SHPRH: variants seen among roughly 807,000 people sequenced by gnomAD.
SHPRH encodes the protein SNF2 histone linker PHD RING helicase.
A neutral mutation model predicts 202.5 loss-of-function variants in SHPRH; 106 were observed. That is an observed-to-expected ratio of 0.52 (90% CI 0.45 to 0.62). SHPRH has a LOEUF of 0.62. Ranked by LOEUF, SHPRH falls within the 20% of genes least tolerant of loss-of-function variation. The pLI, the probability that SHPRH is intolerant of heterozygous loss-of-function variation, is 0.00. For synonymous variants in SHPRH, 729 were observed against 686.0 expected (o/e 1.06, Z -0.98); for missense variants, 1,710 against 2,020.0 (o/e 0.85, Z 2.94).
chr6:145,957,735 AT>A (rs1788653411), intron 1 of SHPRH, among the ~76,000 whole-genome samples: 1 of 152,184 alleles, frequency 6.6e-6, no homozygotes, highest in African/African-American at 2.4e-5. Flanking sequence ...ACTCTCCAAC[AT>A]TTGAACACAG....
chr6:145,910,344 T>G, intron 25 of SHPRH, 104 bp downstream of exon 25: 1 of 1,310,494 alleles, frequency 7.6e-7, no homozygotes, highest in Non-Finnish European at 1.1e-6. Flanking sequence ...CGTCTACCTA[T>G]TCACTGTCAA....
chr6:145,945,401 A>T lies in SHPRH; in HGVS notation c.1558T>A (p.Cys520Ser), dbSNP rs751855030. Residue 520 changes from cysteine to serine, a missense_variant, in exon 8 of 30, where the codon TGT (cysteine) becomes AGT (serine). Cys to Ser is a moderately radical substitution (Grantham distance 112). Coordinates refer to ENST00000275233, the MANE Select transcript of SHPRH (RefSeq NM_001042683.3). ...LGKNYKEEDI[C>S]DKTKKQAVGS... ...GTTACCTGCTTTTTTGTTTTATCAC[A>T]TATATCCTCTTCCTTGTAATTCTTT... is the stretch of plus-strand genomic sequence containing the variant. 4 of 1,611,996 alleles carry T rather than the reference A, an allele frequency of 2.5e-6. No homozygotes were observed. The Admixed American group carries it at 6.7e-5, about 27-fold the overall frequency.
chr6:145,931,725 A>G (rs1278134091), intron 14 of SHPRH, among the ~76,000 whole-genome samples: 3 of 152,174 alleles, frequency 2.0e-5, no homozygotes, highest in African/African-American at 7.2e-5. Flanking sequence ...TAGGGTGCAC[A>G]TTCTTTGCCT....
rs748792809 is a variant in SHPRH, at chr6:145,943,725, T to C, written c.1656A>G (p.Pro552=). The C allele has an allele frequency of 1.2e-6, 2 of 1,611,824 alleles. No individual in the cohort carries two copies. Among genetic ancestry groups the C allele is most frequent in the Non-Finnish European group, 1.7e-6 (2 of 1,178,616 alleles). ...CATCATCATCATCAGAGGTGTCTGATGGCAAGTATTCAGAATCTGTGTCCT... is the reference window on the plus strand; with the variant it reads ...CATCATCATCATCAGAGGTGTCTGACGGCAAGTATTCAGAATCTGTGTCCT... The part of the protein sequence containing the change: ...GNKDTDSEYL[P]SDTSDDDDDP... Residue 552 remains proline, a synonymous_variant, in exon 9 of 30, where the codon CCA becomes CCG. Transcript: ENST00000275233.
Position 145,947,551 on chromosome 6 carries a change from G to A in SHPRH, c.1154C>T (p.Ala385Val). Residue 385 changes from alanine to valine, a missense_variant, in exon 6 of 30, where the codon GCT becomes GTT. Coordinates refer to ENST00000275233, the MANE Select transcript of SHPRH (RefSeq NM_001042683.3). ...MGLGKTVEVL[A>V]LILTHTRQDV... ...TTGTCGAGTATGTGTCAGAATCAGA[G>A]CCAAAACCTCCACTGTCTTTCCAAG... 1 of 1,612,926 alleles carries A rather than the reference G, an allele frequency of 6.2e-7. No homozygotes were observed. The highest frequency in any genetic ancestry group is 8.5e-7 in the Non-Finnish European group (1 of 1,179,312).
intron 23 of SHPRH, 164 bp downstream of exon 23, chr6:145,917,967 C>G (rs149170599): frequency 5.4e-4 from 246 of 455,858 alleles, no homozygotes; most frequent in African/African-American, 4.3e-3. Flanking sequence ...ATACAATATT[C>G]TTTTGTGATC....
intron 14 of SHPRH, among the ~76,000 whole-genome samples, chr6:145,930,608 T>C (rs1562335327): frequency 6.6e-6 from 1 of 152,208 alleles, no homozygotes; most frequent in South Asian, 2.1e-4. Context: ...ATGAATCCTT[T>C]GAAATTTACT....
chr6:145,889,188 C>T (rs939922800), intron 28 of SHPRH, among the ~76,000 whole-genome samples: 17 of 152,078 alleles, frequency 1.1e-4, no homozygotes, highest in African/African-American at 3.4e-4. Flanking sequence ...CCTGTAAAAG[C>T]TACCTAAAGC....
chr6:145,886,876 T>C lies in SHPRH; in HGVS notation c.4956-89A>G, dbSNP rs184084728. 53 of 1,357,362 alleles carry C rather than the reference T, an allele frequency of 3.9e-5. No individual in the cohort carries two copies. In the African/African-American group the frequency reaches 7.1e-4, roughly 18 times the overall value. 84.1% of individuals were successfully genotyped at this position (1,357,362 alleles called of 1,614,324 possible). Reference sequence around the variant, plus strand: ...TAGTAATACGAACTAGACACATATTTTTTCTTAAGTTTTTGTAATTGGGAT... The same window carrying C: ...TAGTAATACGAACTAGACACATATTCTTTCTTAAGTTTTTGTAATTGGGAT... On this transcript the variant is annotated intron_variant, in intron 29 of 29. Coordinates refer to ENST00000275233, the MANE Select transcript of SHPRH (RefSeq NM_001042683.3).
At chr6:145,875,855 T>C (rs940071952) in intron 2 of SHPRH, among the ~76,000 whole-genome samples, 2 of 152,154 alleles carry the variant, frequency 1.3e-5, no homozygotes, top group African/African-American at 4.8e-5. Context: ...AGGCCTGGAG[T>C]ACAACATTCT....
rs559536804 is a variant in SHPRH, at chr6:145,895,291, C to T, written c.4516-314G>A. On this transcript the variant is annotated intron_variant, in intron 25 of 29. Coordinates refer to ENST00000275233, the MANE Select transcript of SHPRH (RefSeq NM_001042683.3). The stretch of plus-strand genomic sequence containing the variant: ...GTTTTATAGTTACAAAATTTTGTTA[C>T]ATTAGATTAGCAGAAATGATATTTT... Among the ~76,000 whole-genome samples the T allele has an allele frequency of 3.9e-5, 6 of 152,138 alleles. No homozygotes were observed. The South Asian group carries it at 8.3e-4, about 21-fold the overall frequency.
chr6:145,899,482 AT>A (rs1353264074), intron 25 of SHPRH, among the ~76,000 whole-genome samples: 1 of 152,098 alleles, frequency 6.6e-6, no homozygotes, highest in Admixed American at 6.6e-5. Flanking sequence ...AAAACTAGTT[AT>A]CCACATGCAA....
chr6:145,905,752 CTG>C (rs1269826449), intron 25 of SHPRH: 1 of 152,012 alleles, frequency 6.6e-6, no homozygotes, highest in African/African-American at 2.4e-5. Flanking sequence ...ACAGGGCTGA[CTG>C]TAAAATGTAT....
intron 25 of SHPRH, chr6:145,909,408 G>C (rs1783282638): frequency 6.6e-6 from 1 of 151,950 alleles, no homozygotes; most frequent in South Asian, 2.1e-4. Flanking sequence ...TCTAACTGTG[G>C]AATTCTGTTT....
chr6:145,889,087 T>C (rs1482165593), intron 28 of SHPRH, among the ~76,000 whole-genome samples: 1 of 152,072 alleles, frequency 6.6e-6, no homozygotes, highest in African/African-American at 2.4e-5. Flanking sequence ...TCCAGAGATA[T>C]GTGTGCAGAG....
intron 23 of SHPRH, among the ~76,000 whole-genome samples, chr6:145,916,752 A>C (rs1331963749): frequency 1.3e-5 from 2 of 152,030 alleles, no homozygotes; most frequent in Non-Finnish European, 2.9e-5. Context: ...CATTTAAAAA[A>C]CTTATGTTCA....
chr6:145,889,493 A>G (rs187175584), intron 28 of SHPRH, among the ~76,000 whole-genome samples: 47 of 152,294 alleles, frequency 3.1e-4, no homozygotes, highest in Middle Eastern at 3.4e-3. Flanking sequence ...TTGAGTGCCA[A>G]CGTGACAAGT....
chr6:145,871,835 G>C lies in SHPRH; in HGVS notation c.222-7344C>G, dbSNP rs527280287. Among the ~76,000 whole-genome samples, 4 of 152,216 alleles carry C rather than the reference G, an allele frequency of 2.6e-5. 1 individual carries two copies. In the South Asian group the frequency reaches 8.3e-4, roughly 32 times the overall value. On this transcript the variant is annotated intron_variant, in intron 2 of 2. Transcript: ENST00000417762. ...CAGTAACCAAAATAGCACGGTACTG[G>C]TACAAAAACAGAGACATAGACCAAT...
At chr6:145,932,880 C>T (rs1160237135) in intron 14 of SHPRH, among the ~76,000 whole-genome samples, 177 bp downstream of exon 14, 2 of 152,024 alleles carry the variant, frequency 1.3e-5, no homozygotes, top group Admixed American at 6.6e-5. Flanking sequence ...GTTTTCAAAA[C>T]GTTCTATGAA....
Sources: allele counts gnomAD v4.1 joint callset (sites outside exome capture counted in the v4.1 genomes callset), GRCh38; gene constraint gnomAD v4.1.1; transcripts MANE v1.5; gene names NCBI Gene and HGNC (gene_info 2026-07-23, HGNC 2026-07-21).